Variants in KTN1 observed in about 807,000 individuals in gnomAD.
The protein encoded by KTN1 is kinectin.
Under a neutral mutation model 222.5 loss-of-function variants are expected in KTN1, and 130 were observed. The observed-to-expected ratio is 0.58, with a 90% CI of 0.51 to 0.68. KTN1 has a LOEUF of 0.68. Among genes scored for constraint, KTN1 ranks in the 30% least tolerant of loss-of-function variants. KTN1 has a pLI of 0.00. For missense variants in KTN1, 1,508 were observed against 1,500.4 expected (o/e 1.01, Z -0.08); for synonymous variants, 512 against 496.3 (o/e 1.03, Z -0.42).
At chr14:55,657,411 T>TTTTTTTTA (rs2043612603) in intron 29 of KTN1, among the ~76,000 whole-genome samples, 1 of 149,252 alleles carries the variant, frequency 6.7e-6, no homozygotes, top group Non-Finnish European at 1.5e-5. Flanking sequence ...TTTTTTTTTT[T>TTTTTTTTA]ACTAATTTGT....
intron 34 of KTN1, among the ~76,000 whole-genome samples, chr14:55,670,173 T>A (rs2141302660): frequency 6.6e-6 from 1 of 152,154 alleles, no homozygotes; most frequent in African/African-American, 2.4e-5. Flanking sequence ...CTCATTAGGA[T>A]TTTTAAAATA....
intron 2 of KTN1, among the ~76,000 whole-genome samples, chr14:55,613,960 G>T (rs1242144743): frequency 6.6e-6 from 1 of 152,190 alleles, no homozygotes; most frequent in South Asian, 2.1e-4. Flanking sequence ...AGGCTTTACA[G>T]GGGAGGCAGT....
chr14:55,629,364 G>A (rs2140895671), intron 6 of KTN1, among the ~76,000 whole-genome samples: 1 of 145,936 alleles, frequency 6.9e-6, no homozygotes, highest in South Asian at 2.2e-4. Flanking sequence ...CTTGTAGTGA[G>A]CCGAGATCAC....
At chr14:55,665,944 A>G (rs2044690214) in intron 33 of KTN1, among the ~76,000 whole-genome samples, 1 of 151,896 alleles carries the variant, frequency 6.6e-6, no homozygotes, top group Admixed American at 6.6e-5. Context: ...GAAAGTTTTC[A>G]AAAAGCTGTT....
chr14:55,584,224 G>A (rs28373835), intron 1 of KTN1, among the ~76,000 whole-genome samples: 2,947 of 151,210 alleles, frequency 0.019, 57 homozygotes, highest in African/African-American at 0.05. Flanking sequence ...TTACCTCTAA[G>A]GTTAGCTACT....
At position 55,612,516 on chromosome 14, in the gene KTN1, T is replaced by C. The variant is rs562126490; in HGVS notation, c.468T>C (p.Ser156=). 3 of 1,607,092 alleles carry C rather than the reference T, an allele frequency of 1.9e-6. No homozygotes were observed. Among genetic ancestry groups the C allele is most frequent in the African/African-American group, 2.7e-5 (2 of 74,370 alleles). ...TTACTAAACAGCCCACCCCTCCCTC[T>C]GAAGCAGCTGCCTCGAAGAAGAAAC... is the stretch of plus-strand genomic sequence containing the variant. The part of the protein sequence containing the change: ...VPVTKQPTPP[S]EAAASKKKPG... The change falls in exon 2 of 44, where the codon TCT becomes TCC. Residue 156 remains serine (S), a synonymous_variant. Transcript: ENST00000395314.
intron 5 of KTN1, among the ~76,000 whole-genome samples, chr14:55,620,124 A>G (rs1004982582): frequency 3.3e-5 from 5 of 152,190 alleles, no homozygotes; most frequent in Non-Finnish European, 5.9e-5. Context: ...GGGCAGTCAA[A>G]TCTTAAAGCT....
chr14:55,652,776 T>C, intron 25 of KTN1, 74 bp from the exon 26 acceptor site: 3 of 956,232 alleles, frequency 3.1e-6, no homozygotes, highest in Non-Finnish European at 4.8e-6. Context: ...ATATACTTTT[T>C]TCAGTGTCTA....
chr14:55,652,215 C>T (rs934125781), intron 25 of KTN1, among the ~76,000 whole-genome samples: 1 of 152,052 alleles, frequency 6.6e-6, no homozygotes, highest in Non-Finnish European at 1.5e-5. Context: ...TTGGTATCTT[C>T]CACATCCAGA....
intron 18 of KTN1, 42 bp from the exon 19 acceptor site, chr14:55,646,931 A>T: frequency 7.8e-7 from 1 of 1,285,360 alleles, no homozygotes; most frequent in East Asian, 2.3e-5. Context: ...ACTTCATGCA[A>T]ATTTGGTAAA....
intron 29 of KTN1, among the ~76,000 whole-genome samples, chr14:55,658,024 T>C (rs2043688955): frequency 6.6e-6 from 1 of 152,244 alleles, no homozygotes; most frequent in Non-Finnish European, 1.5e-5. Context: ...ACAATAACAT[T>C]GTAACCATTA....
At chr14:55,653,186 C>A in intron 27 of KTN1, 101 bp downstream of exon 27, 2 of 820,884 alleles carry the variant, frequency 2.4e-6, no homozygotes, top group South Asian at 1.7e-5. Context: ...AGTTTCTTTG[C>A]CAGAAAAATT....
intron 1 of KTN1, among the ~76,000 whole-genome samples, chr14:55,586,879 T>TA (rs1275582873): frequency 3.3e-5 from 5 of 152,178 alleles, no homozygotes; most frequent in African/African-American, 1.2e-4. Flanking sequence ...ATTTCCTGCA[T>TA]ATGTTCATTA....
chr14:55,629,837 T>C lies in KTN1; in HGVS notation c.1081-120T>C. On this transcript the variant is annotated intron_variant, in intron 6 of 43. Coordinates refer to ENST00000395314, the MANE Select transcript of KTN1 (RefSeq NM_001079521.2). ...ACCTTGCTTTTTTTAAGCAAGTACT[T>C]AATGTTTTATCATTCATGATTATTT... 6.8e-6 allele frequency: 5 copies of C among 736,434 alleles called. No individual in the cohort carries two copies. In the South Asian group the frequency reaches 7.4e-5, roughly 11 times the overall value. 45.6% of individuals were successfully genotyped at this position (736,434 alleles called of 1,614,324 possible).
At chr14:55,641,250 C>A in intron 17 of KTN1, 42 bp downstream of exon 17, 1 of 1,129,170 alleles carries the variant, frequency 8.9e-7, no homozygotes, top group Non-Finnish European at 1.3e-6. Context: ...TTAGAACAAC[C>A]TTGTATACTT....
At chr14:55,622,632 CT>C (rs1295265992) in intron 5 of KTN1, among the ~76,000 whole-genome samples, 1 of 152,210 alleles carries the variant, frequency 6.6e-6, no homozygotes, top group African/African-American at 2.4e-5. Flanking sequence ...CTCTTGCCTA[CT>C]TTCAAACCTT....
At chr14:55,627,329 C>T (rs2039967579) in intron 5 of KTN1, among the ~76,000 whole-genome samples, 1 of 152,050 alleles carries the variant, frequency 6.6e-6, no homozygotes, top group Non-Finnish European at 1.5e-5. Flanking sequence ...TTTCACTGAT[C>T]AGTATTTGGC....
At chr14:55,625,236 G>A (rs2039654330) in intron 5 of KTN1, among the ~76,000 whole-genome samples, 1 of 151,126 alleles carries the variant, frequency 6.6e-6, no homozygotes, top group Non-Finnish European at 1.5e-5. Context: ...TTAAATGCTA[G>A]TGCATGTTAG....
chr14:55,599,362 T>C (rs2140446079), intron 1 of KTN1, among the ~76,000 whole-genome samples: 1 of 152,322 alleles, frequency 6.6e-6, no homozygotes. Context: ...GCAAATACTA[T>C]ACTGTACGGA....
Sources: allele counts gnomAD v4.1 joint callset (sites outside exome capture counted in the v4.1 genomes callset), GRCh38; gene constraint gnomAD v4.1.1; transcripts MANE v1.5; gene names NCBI Gene and HGNC (gene_info 2026-07-23, HGNC 2026-07-21).